SPTLC2: variants seen among roughly 807,000 people sequenced by gnomAD.
SPTLC2 encodes the protein serine palmitoyltransferase long chain base subunit 2.
SPTLC2 carries 21 observed loss-of-function variants against 62.0 expected under a neutral mutation model. The observed-to-expected ratio is 0.34, with a 90% confidence interval of 0.24 to 0.49. The LOEUF (loss-of-function observed/expected upper bound fraction) is 0.49, where lower values mean the gene tolerates loss of function less well. Ranked by LOEUF, SPTLC2 falls within the 20% of genes least tolerant of loss-of-function variation. The probability of loss-of-function intolerance (pLI) is 0.99; values close to 1 mark genes in which losing one functional copy is unlikely to be tolerated. For synonymous variants in SPTLC2, 261 were observed against 261.8 expected, an observed-to-expected ratio of 1.00 and a Z score of 0.03; for missense variants, 511 against 713.0, an observed-to-expected ratio of 0.72 and a Z score of 3.23.
intron 1 of SPTLC2, among the ~76,000 whole-genome samples, chr14:77,614,049 C>T (rs1436634779): frequency 6.6e-6 from 1 of 152,196 alleles, no homozygotes; most frequent in Non-Finnish European, 1.5e-5. Flanking sequence ...GCCCTCACAG[C>T]ATTCCAACAG....
At chr14:77,518,700 TTTAACA>T (rs2139993361) in intron 10 of SPTLC2, among the ~76,000 whole-genome samples, 1 of 152,252 alleles carries the variant, frequency 6.6e-6, no homozygotes, top group African/African-American at 2.4e-5. Flanking sequence ...AGCTTGGCAG[TTTAACA>T]TTAATCCGCA....
chr14:77,581,244 T>C lies in SPTLC2; in HGVS notation c.328-2135A>G, dbSNP rs139251911. 2.1e-3 allele frequency among the ~76,000 whole-genome samples: 319 copies of C among 152,282 alleles called. 1 individual carries two copies. Among genetic ancestry groups the C allele is most frequent in the African/African-American group, 7.2e-3 (298 of 41,562 alleles). On this transcript the variant is annotated intron_variant, in intron 2 of 11. Transcript: ENST00000216484. ...AGCCTTATTCTGTAAAAGATTTTCA[T>C]TGCTAAAGAAGGCTGCATACAACTC...
chr14:77,510,220 T>C lies in SPTLC2; in HGVS notation c.*2064A>G, dbSNP rs1486713584. 1 of 327,884 alleles carries C rather than the reference T, an allele frequency of 3.0e-6. No homozygotes were observed. The highest frequency in any genetic ancestry group is 2.1e-5 in the African/African-American group (1 of 47,242). 20.3% of individuals were successfully genotyped at this position (327,884 alleles called of 1,614,324 possible). A position where few individuals can be genotyped will look rare whatever the true frequency, so the allele number is the denominator to read the frequency against. On this transcript the variant is annotated 3_prime_UTR_variant, in exon 12 of 12. Coordinates refer to ENST00000216484, the MANE Select transcript of SPTLC2 (RefSeq NM_004863.4). ...CTTGGTTCTTTCATTCATCTTTTTC[T>C]GTTCTTTAAAAAAGTAAAATAAAAC...
At chr14:77,551,839 T>G (rs992094265) in intron 9 of SPTLC2, among the ~76,000 whole-genome samples, 1 of 152,176 alleles carries the variant, frequency 6.6e-6, no homozygotes, top group Non-Finnish European at 1.5e-5. Flanking sequence ...ATATTACCTC[T>G]GAGTTAAGAG....
chr14:77,590,666 C>T (rs1350190000), intron 2 of SPTLC2, among the ~76,000 whole-genome samples: 4 of 152,056 alleles, frequency 2.6e-5, no homozygotes, highest in Admixed American at 6.6e-5. Context: ...AAGCCGAGAT[C>T]GCGCCATTGC....
intron 2 of SPTLC2, among the ~76,000 whole-genome samples, chr14:77,590,478 A>G (rs1277077157): frequency 2.0e-5 from 3 of 152,162 alleles, no homozygotes; most frequent in African/African-American, 7.2e-5. Flanking sequence ...TGGGAGGCCG[A>G]GGTGGGCAGA....
At chr14:77,545,874 T>C (rs972279917) in intron 9 of SPTLC2, among the ~76,000 whole-genome samples, 3 of 152,066 alleles carry the variant, frequency 2.0e-5, no homozygotes, top group African/African-American at 4.8e-5. Flanking sequence ...GCATTTGGAT[T>C]TGGAAGAAAA....
At chr14:77,518,214 A>G (rs2079368362) in intron 10 of SPTLC2, 47 bp from the exon 11 acceptor site, 1 of 1,612,722 alleles carries the variant, frequency 6.2e-7, no homozygotes, top group Admixed American at 1.7e-5. Flanking sequence ...GTGAAAAAGC[A>G]CTCATTACAG....
chr14:77,594,845 T>C (rs2079837996), intron 2 of SPTLC2, among the ~76,000 whole-genome samples: 1 of 152,008 alleles, frequency 6.6e-6, no homozygotes, highest in African/African-American at 2.4e-5. Flanking sequence ...TCCCTGCAGA[T>C]AAAGAGTTTT....
At chr14:77,587,759 A>AAATAATAATTATAAT (rs372605996) in intron 2 of SPTLC2, among the ~76,000 whole-genome samples, 1 of 145,100 alleles carries the variant, frequency 6.9e-6, no homozygotes, top group Non-Finnish European at 1.5e-5. Flanking sequence ...CTCTGTCTCA[A>AAATAATAATTATAAT]AATAATAATA....
intron 9 of SPTLC2, among the ~76,000 whole-genome samples, chr14:77,547,117 G>A (rs113101646): frequency 0.044 from 6,683 of 152,048 alleles, 153 homozygotes; most frequent in Middle Eastern, 0.099. Context: ...CGCCTGCCTC[G>A]GCCTCCCAAA....
chr14:77,580,808 G>A (rs2079745805), intron 2 of SPTLC2, among the ~76,000 whole-genome samples: 1 of 152,184 alleles, frequency 6.6e-6, no homozygotes, highest in Non-Finnish European at 1.5e-5. Context: ...CTTGAGCCCA[G>A]GAGTTCAAGA....
chr14:77,537,688 A>C (rs569105412), intron 9 of SPTLC2, among the ~76,000 whole-genome samples: 57 of 152,232 alleles, frequency 3.7e-4, no homozygotes, highest in Admixed American at 2.4e-3. Flanking sequence ...TGGCTCCAAC[A>C]CTAGTAACTA....
At chr14:77,613,820 T>G (rs778431696) in intron 1 of SPTLC2, among the ~76,000 whole-genome samples, 2 of 152,246 alleles carry the variant, frequency 1.3e-5, no homozygotes, top group South Asian at 4.1e-4. Context: ...AGGTAGAGGT[T>G]GGAGCACAAG....
At chr14:77,566,155 T>G (rs1362661378) in intron 5 of SPTLC2, among the ~76,000 whole-genome samples, 1 of 152,224 alleles carries the variant, frequency 6.6e-6, no homozygotes, top group Non-Finnish European at 1.5e-5. Flanking sequence ...GTTCTTTTTT[T>G]CTGGCAAAAA....
chr14:77,593,267 A>T (rs2079828427), intron 2 of SPTLC2, among the ~76,000 whole-genome samples: 1 of 152,178 alleles, frequency 6.6e-6, no homozygotes, highest in Admixed American at 6.5e-5. Flanking sequence ...TTACGTTCCT[A>T]GCTATTTCCT....
chr14:77,576,175 G>T (rs979679987), intron 4 of SPTLC2, among the ~76,000 whole-genome samples: 3 of 152,130 alleles, frequency 2.0e-5, no homozygotes, highest in Non-Finnish European at 4.4e-5. Flanking sequence ...TAACTTCCAG[G>T]GTTGTCAGTT....
intron 1 of SPTLC2, among the ~76,000 whole-genome samples, chr14:77,609,243 G>A (rs1161179018): frequency 6.6e-6 from 1 of 152,068 alleles, no homozygotes; most frequent in Non-Finnish European, 1.5e-5. Context: ...TGGGAATTTG[G>A]TGTTTATCAT....
intron 6 of SPTLC2, among the ~76,000 whole-genome samples, chr14:77,561,526 G>A (rs375189707): frequency 6.6e-6 from 1 of 151,738 alleles, no homozygotes; most frequent in South Asian, 2.1e-4. Flanking sequence ...CAGGAGAATC[G>A]CTTGAACTCG....
Sources: allele counts gnomAD v4.1 joint callset (sites outside exome capture counted in the v4.1 genomes callset), GRCh38; gene constraint gnomAD v4.1.1; transcripts MANE v1.5; gene names NCBI Gene and HGNC (gene_info 2026-07-23, HGNC 2026-07-21).